The following TRAK1 variants were observed in gnomAD, a reference collection of about 807,000 sequenced individuals.
TRAK1 encodes the protein trafficking kinesin-binding protein 1.
A neutral mutation model predicts 92.1 loss-of-function variants in TRAK1; 33 were observed. The ratio of observed to expected loss-of-function variants is 0.36; its 90% CI spans 0.27 to 0.48. TRAK1 has a LOEUF of 0.48. TRAK1 is among the 20% of genes least tolerant of loss of function. The pLI is 0.99. For synonymous variants in TRAK1, 521 were observed against 517.3 expected (o/e 1.01, Z -0.10); for missense variants, 1,123 against 1,257.9 (o/e 0.89, Z 1.62).
intron 1 of TRAK1, among the ~76,000 whole-genome samples, chr3:42,094,650 G>A (rs956302397): frequency 6.6e-6 from 1 of 152,152 alleles, no homozygotes; most frequent in Admixed American, 6.5e-5. Flanking sequence ...GGAATTATAG[G>A]TATGAGCCCC....
intron 3 of TRAK1, among the ~76,000 whole-genome samples, chr3:42,178,980 T>C (rs66794942): frequency 0.16 from 23,802 of 151,840 alleles, 2,087 homozygotes; most frequent in Non-Finnish European, 0.21. Flanking sequence ...TCTCAAAAAA[T>C]AAAACAAAAC....
intron 1 of TRAK1, among the ~76,000 whole-genome samples, chr3:42,022,504 T>G (rs574367846): frequency 2.5e-4 from 38 of 151,794 alleles, no homozygotes; most frequent in African/African-American, 8.7e-4. Context: ...GGTGGATTGC[T>G]TTAGCCCAAG....
chr3:42,086,950 T>G (rs919616025), upstream of TRAK1, among the ~76,000 whole-genome samples: 15 of 152,210 alleles, frequency 9.9e-5, no homozygotes, highest in African/African-American at 3.1e-4. Flanking sequence ...TTATTGAAAC[T>G]AAGCAATGTG....
intron 2 of TRAK1, among the ~76,000 whole-genome samples, chr3:42,175,478 A>G (rs924363739): frequency 2.6e-5 from 4 of 152,142 alleles, no homozygotes; most frequent in African/African-American, 9.7e-5. Flanking sequence ...CTGAGGCAGC[A>G]TATTTCCCCC....
chr3:42,029,191 C>G (rs947272173), intron 1 of TRAK1, among the ~76,000 whole-genome samples: 27 of 152,178 alleles, frequency 1.8e-4, no homozygotes, highest in Middle Eastern at 3.2e-3. Context: ...CCCACCAGGC[C>G]CCACCTCCAG....
chr3:42,094,903 G>A (rs1274788374), intron 1 of TRAK1, among the ~76,000 whole-genome samples: 2 of 152,132 alleles, frequency 1.3e-5, no homozygotes, highest in African/African-American at 4.8e-5. Flanking sequence ...ATTGAGGCCC[G>A]GGAACTGGTG....
intron 1 of TRAK1, among the ~76,000 whole-genome samples, chr3:42,047,758 A>G (rs1702813143): frequency 6.6e-6 from 1 of 152,140 alleles, no homozygotes; most frequent in Non-Finnish European, 1.5e-5. Flanking sequence ...ACCATCCCAA[A>G]TTGTACTACT....
At chr3:42,093,733 A>C (rs1339907441) in intron 1 of TRAK1, among the ~76,000 whole-genome samples, 1 of 97,844 alleles carries the variant, frequency 1.0e-5, no homozygotes, top group African/African-American at 3.9e-5. Context: ...ACAGAGTCTC[A>C]CTTCTATCAC....
chr3:42,193,003 G>T (rs1185452893), intron 7 of TRAK1, 72 bp from the exon 8 acceptor site: 19 of 1,575,598 alleles, frequency 1.2e-5, no homozygotes, highest in Non-Finnish European at 1.3e-5. Flanking sequence ...AAACCACAAA[G>T]AAACCATTCT....
intron 2 of TRAK1, among the ~76,000 whole-genome samples, chr3:42,141,073 C>T (rs192923006): frequency 2.2e-4 from 33 of 152,212 alleles, no homozygotes; most frequent in African/African-American, 5.5e-4. Context: ...CTGAGACACT[C>T]GGGCAAACTC....
intron 1 of TRAK1, among the ~76,000 whole-genome samples, chr3:42,016,836 T>G (rs1701546060): frequency 6.6e-6 from 1 of 152,024 alleles, no homozygotes; most frequent in South Asian, 2.1e-4. Flanking sequence ...TCACTGAGAG[T>G]TGCAGATATT....
intron 3 of TRAK1, 83 bp from the exon 4 acceptor site, chr3:42,184,602 T>C: frequency 7.8e-7 from 1 of 1,288,940 alleles, no homozygotes; most frequent in South Asian, 1.3e-5. Flanking sequence ...GCTTATGTTT[T>C]CCTCATTTGA....
intron 1 of TRAK1, among the ~76,000 whole-genome samples, chr3:42,095,343 G>A (rs551145141): frequency 7.2e-5 from 11 of 152,238 alleles, no homozygotes; most frequent in East Asian, 1.9e-4. Flanking sequence ...GTTTAGACCC[G>A]GCAGCATTGT....
intron 15 of TRAK1, chr3:42,220,730 G>T (rs1710266572): frequency 6.5e-6 from 3 of 461,222 alleles, no homozygotes; most frequent in South Asian, 9.0e-5. Context: ...GGCCTTGATG[G>T]TCGATGCCCC....
chr3:42,077,214 C>G (rs1244933080), intron 1 of TRAK1, among the ~76,000 whole-genome samples: 1 of 152,162 alleles, frequency 6.6e-6, no homozygotes, highest in East Asian at 1.9e-4. Context: ...AACACTGAAT[C>G]TGTAAATTGC....
At chr3:42,095,937 T>C (rs1705855145) in intron 1 of TRAK1, among the ~76,000 whole-genome samples, 1 of 152,214 alleles carries the variant, frequency 6.6e-6, no homozygotes. Flanking sequence ...GCTAGCCTGT[T>C]CTACCCTGTG....
At chr3:42,139,023 T>C (rs1012382607) in intron 2 of TRAK1, among the ~76,000 whole-genome samples, 2 of 151,500 alleles carry the variant, frequency 1.3e-5, no homozygotes, top group African/African-American at 4.9e-5. Flanking sequence ...GGATAAATTA[T>C]TGGGGTGGAG....
intron 1 of TRAK1, among the ~76,000 whole-genome samples, chr3:42,050,850 G>T (rs1438366290): frequency 6.6e-6 from 1 of 152,010 alleles, no homozygotes; most frequent in Non-Finnish European, 1.5e-5. Flanking sequence ...TAGAGACGGG[G>T]TTTCACCATG....
intron 9 of TRAK1, among the ~76,000 whole-genome samples, chr3:42,194,221 G>A (rs1274843357): frequency 1.3e-5 from 2 of 152,030 alleles, no homozygotes; most frequent in African/African-American, 4.8e-5. Flanking sequence ...TTGAAACATG[G>A]GTGTGACGAT....
Sources: allele counts gnomAD v4.1 joint callset (sites outside exome capture counted in the v4.1 genomes callset), GRCh38; gene constraint gnomAD v4.1.1; transcripts MANE v1.5; gene names NCBI Gene and HGNC (gene_info 2026-07-23, HGNC 2026-07-21).